PCDH15: variants seen among roughly 807,000 people sequenced by gnomAD.
PCDH15 encodes protocadherin-15.
In PCDH15, 129 loss-of-function variants were observed where a neutral mutation model predicts 178.5. The ratio of observed to expected loss-of-function variants is 0.72; its 90% CI spans 0.63 to 0.84. The LOEUF (loss-of-function observed/expected upper bound fraction) is 0.84. Ranked by LOEUF, PCDH15 falls within the 40% of genes least tolerant of loss-of-function variation. The pLI, the probability that PCDH15 is intolerant of heterozygous loss-of-function variation, is 0.00. For missense variants in PCDH15, 2,230 were observed against 2,099.9 expected (o/e 1.06, Z -1.21); for synonymous variants, 800 against 732.0 (o/e 1.09, Z -1.50).
chr10:54,147,619 A>C (rs914836615), intron 14 of PCDH15, among the ~76,000 whole-genome samples: 1 of 151,898 alleles, frequency 6.6e-6, no homozygotes, highest in African/African-American at 2.4e-5. Context: ...TTAGCACAAC[A>C]CAATCTTCAA....
chr10:55,175,001 G>A (rs960809447), intron 1 of PCDH15, among the ~76,000 whole-genome samples: 5 of 152,074 alleles, frequency 3.3e-5, no homozygotes, highest in African/African-American at 1.2e-4. Flanking sequence ...CTACCACTGA[G>A]AAGCAGGCCG....
At chr10:53,824,746 T>TGATTTCTCTTGG (rs1266386632) in intron 32 of PCDH15, among the ~76,000 whole-genome samples, 2 of 152,138 alleles carry the variant, frequency 1.3e-5, no homozygotes, top group African/African-American at 4.8e-5. Flanking sequence ...GTTCGTGGTT[T>TGATTTCTCTTGG]GATTTCTCTT....
intron 1 of PCDH15, among the ~76,000 whole-genome samples, chr10:54,760,643 A>G (rs1005022853): frequency 6.6e-6 from 1 of 152,170 alleles, no homozygotes; most frequent in Non-Finnish European, 1.5e-5. Context: ...ACTGAGTTCA[A>G]TGATCCATCC....
intron 13 of PCDH15, among the ~76,000 whole-genome samples, chr10:54,168,272 T>C (rs1384386802): frequency 3.9e-5 from 6 of 152,046 alleles, no homozygotes; most frequent in African/African-American, 7.2e-5. Context: ...GGCATTCTTT[T>C]ACACATCAGT....
At chr10:53,944,337 T>C (rs2086343343) in intron 23 of PCDH15, among the ~76,000 whole-genome samples, 1 of 152,218 alleles carries the variant, frequency 6.6e-6, no homozygotes, top group South Asian at 2.1e-4. Flanking sequence ...CTTTTCTAGT[T>C]CTACCATTCT....
intron 2 of PCDH15, among the ~76,000 whole-genome samples, chr10:54,945,682 T>C (rs2131868616): frequency 6.6e-6 from 1 of 151,906 alleles, no homozygotes; most frequent in East Asian, 1.9e-4. Context: ...CTTTCTAAAA[T>C]GGCCATCCAA....
intron 10 of PCDH15, among the ~76,000 whole-genome samples, chr10:54,206,851 T>G (rs967466884): frequency 3.3e-5 from 5 of 152,078 alleles, no homozygotes; most frequent in Admixed American, 2.6e-4. Flanking sequence ...GGAACATATG[T>G]GATAGAGTGC....
At chr10:54,302,092 C>T (rs535504259) in intron 8 of PCDH15, among the ~76,000 whole-genome samples, 1 of 152,108 alleles carries the variant, frequency 6.6e-6, no homozygotes, top group Non-Finnish European at 1.5e-5. Flanking sequence ...GTGTTAGTAA[C>T]AGAAATATAT....
At chr10:54,986,927 T>C (rs1839383492) in intron 2 of PCDH15, among the ~76,000 whole-genome samples, 1 of 152,182 alleles carries the variant, frequency 6.6e-6, no homozygotes, top group Non-Finnish European at 1.5e-5. Context: ...AGGATACATG[T>C]GCAGAATATG....
At chr10:55,149,835 A>T (rs1005822819) in intron 2 of PCDH15, among the ~76,000 whole-genome samples, 6 of 152,086 alleles carry the variant, frequency 3.9e-5, no homozygotes, top group African/African-American at 1.4e-4. Context: ...ATCTGGAAAT[A>T]CATCATGTTC....
At chr10:54,801,761 A>C (rs150047711), upstream of PCDH15, among the ~76,000 whole-genome samples, 503 of 152,262 alleles carry the variant, frequency 3.3e-3, 1 homozygote, top group African/African-American at 0.011. Context: ...AGCCAAAAGT[A>C]CTCTTTAGAT....
At chr10:53,949,971 A>C (rs2086886920) in intron 23 of PCDH15, among the ~76,000 whole-genome samples, 1 of 152,126 alleles carries the variant, frequency 6.6e-6, no homozygotes, top group East Asian at 1.9e-4. Flanking sequence ...CTTTAATATA[A>C]AGCTTCTTGA....
chr10:54,022,118 C>CT (rs112927953), intron 19 of PCDH15, among the ~76,000 whole-genome samples: 2,994 of 144,964 alleles, frequency 0.021, 96 homozygotes, highest in African/African-American at 0.068. Context: ...AAAATGGCTA[C>CT]TTTTTTTTTT....
intron 3 of PCDH15, among the ~76,000 whole-genome samples, chr10:54,477,776 A>G (rs549982830): frequency 6.6e-6 from 1 of 151,998 alleles, no homozygotes; most frequent in Non-Finnish European, 1.5e-5. Flanking sequence ...ATGTATTAAT[A>G]TATTTTAGTA....
intron 1 of PCDH15, among the ~76,000 whole-genome samples, chr10:55,213,316 A>G (rs1287549492): frequency 6.6e-6 from 1 of 152,088 alleles, no homozygotes; most frequent in African/African-American, 2.4e-5. Flanking sequence ...GAATAACTTC[A>G]TAGAGCTACT....
rs571590082 is a variant in PCDH15, at chr10:54,171,984, C to G, written c.1590+11460G>C. ...CCCATTCTCTCTCCATACCACCCCC[C>G]AAAAATTTTCGCCGCCCCAACACTT... On this transcript the variant is annotated intron_variant, in intron 13 of 37. Transcript: ENST00000644397. Among the ~76,000 whole-genome samples the G allele has an allele frequency of 9.4e-4, 143 of 151,402 alleles. 2 individuals are homozygous for G. Among genetic ancestry groups the G allele is most frequent in the Admixed American group, 8.7e-3 (132 of 15,184 alleles).
chr10:53,874,145 C>T (rs934466494), intron 26 of PCDH15, among the ~76,000 whole-genome samples: 5 of 151,878 alleles, frequency 3.3e-5, no homozygotes, highest in African/African-American at 1.2e-4. Flanking sequence ...GTTTTTTTTA[C>T]TGACCTGGGT....
At chr10:53,977,197 T>C (rs989140405) in intron 21 of PCDH15, among the ~76,000 whole-genome samples, 5 of 152,184 alleles carry the variant, frequency 3.3e-5, no homozygotes. Flanking sequence ...ATCGGCTTTC[T>C]GTGCAGTGAG....
intron 20 of PCDH15, among the ~76,000 whole-genome samples, chr10:53,999,729 A>G (rs1425770940): frequency 6.6e-6 from 1 of 152,126 alleles, no homozygotes; most frequent in African/African-American, 2.4e-5. Flanking sequence ...TAAGGTTTTG[A>G]CTTCCAGACG....
Sources: allele counts gnomAD v4.1 joint callset (sites outside exome capture counted in the v4.1 genomes callset), GRCh38; gene constraint gnomAD v4.1.1; transcripts MANE v1.5; gene names NCBI Gene and HGNC (gene_info 2026-07-23, HGNC 2026-07-21).